The following RNLS variants were observed in gnomAD, a reference collection of about 807,000 sequenced individuals.
The protein encoded by RNLS is renalase.
RNLS carries 39 observed loss-of-function variants against 39.8 expected under a neutral mutation model. The ratio of observed to expected loss-of-function variants is 0.98; its 90% CI spans 0.76 to 1.28. RNLS has a LOEUF of 1.28. RNLS is among the 50% of genes most tolerant of loss of function. The pLI is 0.00. For missense variants in RNLS, 410 were observed against 413.3 expected (o/e 0.99, Z 0.07); for synonymous variants, 147 against 150.7 (o/e 0.98, Z 0.18).
chr10:88,452,679 T>C (rs1211174110), intron 4 of RNLS, among the ~76,000 whole-genome samples: 1 of 152,090 alleles, frequency 6.6e-6, no homozygotes, highest in Non-Finnish European at 1.5e-5. Flanking sequence ...AGAAGCCCAT[T>C]AAATCTCAAG....
chr10:88,469,429 G>A (rs1843386887), intron 4 of RNLS, among the ~76,000 whole-genome samples: 2 of 152,170 alleles, frequency 1.3e-5, no homozygotes, highest in African/African-American at 4.8e-5. Context: ...AATATCTTTG[G>A]ATAGAGAGAT....
chr10:88,334,660 C>G (rs1272802394), intron 5 of RNLS, among the ~76,000 whole-genome samples: 3 of 152,148 alleles, frequency 2.0e-5, no homozygotes, highest in Non-Finnish European at 2.9e-5. Flanking sequence ...TTGTCTGTCT[C>G]CCCTCTAGAT....
chr10:88,576,983 T>C (rs1440775462), intron 3 of RNLS, among the ~76,000 whole-genome samples: 1 of 152,198 alleles, frequency 6.6e-6, no homozygotes, highest in African/African-American at 2.4e-5. Context: ...TCACTCTGTG[T>C]CCTGGAAGCT....
intron 4 of RNLS, among the ~76,000 whole-genome samples, chr10:88,384,020 CTAT>C (rs941135743): frequency 4.6e-5 from 7 of 152,204 alleles, no homozygotes; most frequent in Non-Finnish European, 8.8e-5. Flanking sequence ...TTATACTTAA[CTAT>C]TATTATCAAA....
intron 6 of RNLS, among the ~76,000 whole-genome samples, chr10:88,297,128 G>A (rs1393501989): frequency 1.3e-5 from 2 of 152,144 alleles, no homozygotes; most frequent in African/African-American, 4.8e-5. Context: ...TTGTGAGGAT[G>A]CATGTCTTCA....
At chr10:88,504,842 A>AGTGTGTGTGT (rs147390554) in intron 4 of RNLS, among the ~76,000 whole-genome samples, 65 of 106,816 alleles carry the variant, frequency 6.1e-4, no homozygotes, top group East Asian at 9.5e-4. Flanking sequence ...AGAGAGAGAC[A>AGTGTGTGTGT]GAGTGTGTGT....
chr10:88,528,902 A>T (rs1202295413), intron 4 of RNLS, among the ~76,000 whole-genome samples: 1 of 152,008 alleles, frequency 6.6e-6, no homozygotes, highest in Non-Finnish European at 1.5e-5. Context: ...TCTCCAGAAA[A>T]ATCCATCAAT....
intron 4 of RNLS, among the ~76,000 whole-genome samples, chr10:88,564,331 ACACACACACACACACATG>A (rs1377892902): frequency 6.6e-6 from 1 of 151,880 alleles, no homozygotes; most frequent in African/African-American, 2.4e-5. Context: ...ACACACACAC[ACACACACACACACACATG>A]CACACACACA....
chr10:88,575,262 G>A (rs1376202610), intron 3 of RNLS, among the ~76,000 whole-genome samples: 3 of 140,246 alleles, frequency 2.1e-5, no homozygotes, highest in African/African-American at 8.2e-5. Flanking sequence ...AGGTGTATAT[G>A]TATATGTGTG....
chr10:88,320,417 C>T (rs1846094426), intron 5 of RNLS, among the ~76,000 whole-genome samples: 1 of 151,090 alleles, frequency 6.6e-6, no homozygotes, highest in Admixed American at 6.6e-5. Flanking sequence ...GCTAACAACA[C>T]TATGGCAGGA....
At chr10:88,231,787 A>G in the RNLS span, among the ~76,000 whole-genome samples, 1 of 152,242 alleles carries the variant, frequency 6.6e-6, no homozygotes, top group African/African-American at 2.4e-5. Context: ...ACAGAAGTGA[A>G]CTAGGAGACA....
At chr10:88,187,618 C>T in the RNLS span, among the ~76,000 whole-genome samples, 1 of 152,134 alleles carries the variant, frequency 6.6e-6, no homozygotes, top group African/African-American at 2.4e-5. Flanking sequence ...CAGATTGAGT[C>T]CCTCAGCTGT....
the RNLS span, among the ~76,000 whole-genome samples, chr10:88,228,821 G>A: frequency 6.6e-6 from 1 of 152,304 alleles, no homozygotes; most frequent in Non-Finnish European, 1.5e-5. Flanking sequence ...TTGCATAACA[G>A]CACATGTAGC....
At chr10:88,582,135 T>C (rs944121057) in intron 2 of RNLS, 67 bp downstream of exon 2, 2 of 1,240,316 alleles carry the variant, frequency 1.6e-6, no homozygotes, top group Non-Finnish European at 2.3e-6. Flanking sequence ...GCTAATCTAA[T>C]CTTCACAACA....
At chr10:88,489,596 T>G (rs1425606355) in intron 4 of RNLS, among the ~76,000 whole-genome samples, 1 of 152,156 alleles carries the variant, frequency 6.6e-6, no homozygotes, top group Non-Finnish European at 1.5e-5. Flanking sequence ...AAATTAAAAC[T>G]TAATAGCAAG....
rs370497575 is a variant in RNLS, at chr10:88,351,025, GTCT to G, written c.700+11524_700+11526del. Among the ~76,000 whole-genome samples the G allele has an allele frequency of 1.8e-4, 27 of 152,316 alleles. No homozygotes were observed. The East Asian group carries it at 4.8e-3, about 27-fold the overall frequency. On this transcript the variant is annotated intron_variant, in intron 5 of 6. Transcript: ENST00000331772. Reference sequence around the variant, plus strand: ...TCATGTGTCTGCTGGCTGCACAAATGTCTTCTTTTGAGAAGTGTCTGTTCATAT... The same window carrying G: ...TCATGTGTCTGCTGGCTGCACAAATGTCTTTTGAGAAGTGTCTGTTCATAT...
chr10:88,230,722 G>C, the RNLS span, among the ~76,000 whole-genome samples: 1 of 152,120 alleles, frequency 6.6e-6, no homozygotes. Context: ...CCTATTATTT[G>C]AGACATCTTA....
At chr10:88,576,861 GT>G (rs1462268678) in intron 3 of RNLS, among the ~76,000 whole-genome samples, 1 of 152,140 alleles carries the variant, frequency 6.6e-6, no homozygotes, top group East Asian at 1.9e-4. Context: ...CTTTGCAAAT[GT>G]TGACTTTCTG....
chr10:88,176,800 C>T, the RNLS span, among the ~76,000 whole-genome samples: 3 of 152,104 alleles, frequency 2.0e-5, no homozygotes, highest in African/African-American at 7.2e-5. Flanking sequence ...TTATGAATTC[C>T]CTCAGAGTTT....
Sources: gnomAD v4.1 joint callset for allele counts (sites outside exome capture counted in the v4.1 genomes callset) on GRCh38, gnomAD v4.1.1 for gene constraint, MANE v1.5 for transcripts, NCBI Gene and HGNC (gene_info 2026-07-23, HGNC 2026-07-21) for gene names.